CHD9: variants seen among roughly 807,000 people sequenced by gnomAD.
CHD9 encodes the protein chromodomain helicase DNA binding protein 9.
Under a neutral mutation model 316.1 loss-of-function variants are expected in CHD9, and 77 were observed. That is an observed-to-expected ratio of 0.24 (90% CI 0.20 to 0.29). The LOEUF (loss-of-function observed/expected upper bound fraction) is 0.29. Among genes scored for constraint, CHD9 ranks in the 10% least tolerant of loss-of-function variants. The probability of loss-of-function intolerance (pLI) is 1.00; values close to 1 mark genes in which losing one functional copy is unlikely to be tolerated. For synonymous variants in CHD9, 1,129 were observed against 1,158.3 expected, an observed-to-expected ratio of 0.97 and a Z score of 0.51; for missense variants, 2,763 against 3,438.1, an observed-to-expected ratio of 0.80 and a Z score of 4.91.
At chr16:53,305,842 C>G (rs2055917058) in intron 31 of CHD9, among the ~76,000 whole-genome samples, 1 of 152,136 alleles carries the variant, frequency 6.6e-6, no homozygotes, top group African/African-American at 2.4e-5. Flanking sequence ...TTACAAGAGT[C>G]ACCTAATCAA....
At chr16:53,243,074 G>T in intron 13 of CHD9, 58 bp downstream of exon 13, 1 of 1,232,950 alleles carries the variant, frequency 8.1e-7, no homozygotes, top group South Asian at 1.5e-5. Flanking sequence ...ATAGTGAAAG[G>T]TTATAGAGTT....
rs756386085 is a variant in CHD9, at chr16:53,308,671, G to GT, written c.7054-14dup. The GT allele has an allele frequency of 2.8e-5, 44 of 1,595,682 alleles. No homozygotes were observed. The East Asian group carries it at 9.9e-4, about 36-fold the overall frequency. Reference sequence around the variant, plus strand: ...TTTAACAGTTTCTGTCTTAATAATGGTATTTGTTTAACAGGAAGGTGGTTT... The same window carrying GT: ...TTTAACAGTTTCTGTCTTAATAATGGTTATTTGTTTAACAGGAAGGTGGTTT... On this transcript the variant is annotated splice_polypyrimidine_tract_variant and intron_variant, in intron 33 of 38. Coordinates refer to ENST00000447540, the MANE Select transcript of CHD9 (RefSeq NM_001308319.2).
At chr16:53,131,770 A>C (rs1338521685) in intron 1 of CHD9, among the ~76,000 whole-genome samples, 1 of 151,888 alleles carries the variant, frequency 6.6e-6, no homozygotes, top group African/African-American at 2.4e-5. Flanking sequence ...CCGCGCGGGC[A>C]CCCGACGTCC....
At chr16:53,249,268 C>T (rs2049936636) in intron 16 of CHD9, among the ~76,000 whole-genome samples, 1 of 152,096 alleles carries the variant, frequency 6.6e-6, no homozygotes, top group Non-Finnish European at 1.5e-5. Context: ...CATATGTATA[C>T]CACTTAGAGT....
intron 2 of CHD9, among the ~76,000 whole-genome samples, chr16:53,188,479 T>C (rs1385209800): frequency 6.6e-6 from 1 of 151,860 alleles, no homozygotes; most frequent in Non-Finnish European, 1.5e-5. Flanking sequence ...CAATGCCTGT[T>C]TTTATGTCTT....
chr16:53,073,118 C>T (rs989685719), intron 1 of CHD9, among the ~76,000 whole-genome samples: 4 of 152,188 alleles, frequency 2.6e-5, no homozygotes, highest in Non-Finnish European at 5.9e-5. Flanking sequence ...ACTCTGTACC[C>T]GTTAAACACT....
chr16:53,147,786 A>G (rs1355752213), intron 1 of CHD9, among the ~76,000 whole-genome samples: 2 of 152,270 alleles, frequency 1.3e-5, no homozygotes, highest in East Asian at 1.9e-4. Flanking sequence ...TAATGCTGCT[A>G]TGAGTGTTCA....
At chr16:53,202,753 A>G (rs1567469710) in intron 2 of CHD9, among the ~76,000 whole-genome samples, 1 of 152,158 alleles carries the variant, frequency 6.6e-6, no homozygotes, top group East Asian at 1.9e-4. Context: ...ATCAATGCAA[A>G]TTAAGATTAT....
chr16:53,109,498 T>C (rs57165015), intron 1 of CHD9, among the ~76,000 whole-genome samples: 4,663 of 151,254 alleles, frequency 0.031, 243 homozygotes, highest in African/African-American at 0.11. Context: ...ATGCCCAGGC[T>C]AATTTTTTGT....
chr16:53,060,594 C>CA (rs892876109), intron 1 of CHD9, among the ~76,000 whole-genome samples: 19 of 151,882 alleles, frequency 1.3e-4, no homozygotes, highest in African/African-American at 3.9e-4. Context: ...CCCATATCTA[C>CA]AAAAAAATGA....
intron 2 of CHD9, among the ~76,000 whole-genome samples, chr16:53,195,829 CTCACTGCAATCTCCACCTCCCAAGT>C (rs1204943881): frequency 6.7e-6 from 1 of 150,186 alleles, no homozygotes; most frequent in African/African-American, 2.5e-5. Context: ...GTGACCTCAG[CTCACTGCAATCTCCACCTCCCAAGT>C]TCAAGCAATT....
chr16:53,104,395 T>C (rs1039313939), intron 1 of CHD9, among the ~76,000 whole-genome samples: 6 of 152,210 alleles, frequency 3.9e-5, no homozygotes, highest in Admixed American at 2.6e-4. Context: ...GTACTTCTCC[T>C]TCCTTGACAG....
chr16:53,254,527 T>C lies in CHD9; in HGVS notation c.3951T>C (p.Phe1317=). The C allele has an allele frequency of 1.2e-6, 2 of 1,613,140 alleles. No individual in the cohort carries two copies. The highest frequency in any genetic ancestry group is 1.1e-5 in the South Asian group (1 of 90,826). ...GTAACTCATATGAGAGAGAGATGTT[T>C]GACCGAGCCAGTTTGAAACTGGGCC... ...VTRNSYEREM[F]DRASLKLGLD... Residue 1317 remains phenylalanine, a synonymous_variant, in exon 18 of 39, where the codon TTT becomes TTC. Coordinates refer to ENST00000447540, the MANE Select transcript of CHD9 (RefSeq NM_001308319.2).
intron 1 of CHD9, among the ~76,000 whole-genome samples, chr16:53,143,119 C>T (rs1371615291): frequency 6.6e-6 from 1 of 152,064 alleles, no homozygotes; most frequent in Non-Finnish European, 1.5e-5. Context: ...TGTTATTAGG[C>T]CCCACCTCGA....
In CHD9 at chr16:53,186,040, G is replaced by A. The variant is rs149068149; in HGVS notation, c.1453-23442G>A. Among the ~76,000 whole-genome samples, 120 of 152,316 alleles carry A rather than the reference G, an allele frequency of 7.9e-4. 1 individual carries two copies. The East Asian group carries it at 0.017, about 21-fold the overall frequency. On this transcript the variant is annotated intron_variant, in intron 2 of 38. Transcript: ENST00000447540. ...AGAGCTCCCACACAGAGTCCCCACC[G>A]GGGCACTGCCTAGTGGAGCTGTGAG...
Position 53,088,211 on chromosome 16 carries a change from G to A in CHD9, c.-165+33134G>A, listed in dbSNP as rs537269737. Among the ~76,000 whole-genome samples the A allele has an allele frequency of 2.6e-5, 4 of 151,362 alleles. No homozygotes were observed. The East Asian group carries it at 5.8e-4, about 22-fold the overall frequency. ...GAGAGATTCTGACAAAAGTCTCATT[G>A]ACCCTGATTGGGTCCCATGAGCATC... On this transcript the variant is annotated intron_variant, in intron 1 of 38. Transcript: ENST00000447540.
At chr16:53,298,159 AG>A (rs1422865862) in intron 30 of CHD9, 1 of 152,282 alleles carries the variant, frequency 6.6e-6, no homozygotes, top group East Asian at 1.9e-4. Flanking sequence ...AGGATATTGG[AG>A]GCAGGAGCAT....
intron 1 of CHD9, among the ~76,000 whole-genome samples, chr16:53,148,316 A>G (rs1162542923): frequency 6.6e-6 from 1 of 152,218 alleles, no homozygotes. Flanking sequence ...CAGTCAGCTC[A>G]CTGCAGCCTT....
intron 10 of CHD9, among the ~76,000 whole-genome samples, chr16:53,232,227 C>T (rs989051774): frequency 2.6e-5 from 4 of 152,218 alleles, no homozygotes; most frequent in African/African-American, 7.2e-5. Flanking sequence ...GAAACAGAAG[C>T]GTCACCTAAT....
Sources: allele counts gnomAD v4.1 joint callset (sites outside exome capture counted in the v4.1 genomes callset), GRCh38; gene constraint gnomAD v4.1.1; transcripts MANE v1.5; gene names NCBI Gene and HGNC (gene_info 2026-07-23, HGNC 2026-07-21).